BZW2: variants seen among roughly 807,000 people sequenced by gnomAD.
BZW2 encodes basic leucine zipper and W2 domains 2, also known as eIF5-mimic protein 1.
In BZW2, 23 loss-of-function variants were observed where a neutral mutation model predicts 53.2. That is an observed-to-expected ratio of 0.43 (90% CI 0.31 to 0.61). The LOEUF is 0.61. BZW2 is among the 20% of genes least tolerant of loss of function. The pLI is 0.09. For missense variants in BZW2, 409 were observed against 503.1 expected, an observed-to-expected ratio of 0.81 and a Z score of 1.79; for synonymous variants, 227 against 186.4, an observed-to-expected ratio of 1.22 and a Z score of -1.77.
chr7:16,686,816 A>T (rs953119643), intron 6 of BZW2: 4 of 152,208 alleles, frequency 2.6e-5, no homozygotes, highest in African/African-American at 4.8e-5. Context: ...CTAAGGAAAG[A>T]ATAGTAAATT....
At chr7:16,663,888 T>C (rs1782339943) in intron 1 of BZW2, among the ~76,000 whole-genome samples, 1 of 152,204 alleles carries the variant, frequency 6.6e-6, no homozygotes, top group Non-Finnish European at 1.5e-5. Flanking sequence ...TCAAAGATAA[T>C]ATATTGCAAT....
At chr7:16,702,310 C>T (rs1157794660) in intron 10 of BZW2, among the ~76,000 whole-genome samples, 1 of 152,090 alleles carries the variant, frequency 6.6e-6, no homozygotes, top group African/African-American at 2.4e-5. Flanking sequence ...ATATGGTGCT[C>T]TGTGTAGATA....
At chr7:16,660,211 T>C (rs542171194) in intron 1 of BZW2, among the ~76,000 whole-genome samples, 2 of 152,110 alleles carry the variant, frequency 1.3e-5, no homozygotes, top group South Asian at 4.1e-4. Flanking sequence ...CCAAAGTCTT[T>C]TTTCCACCTT....
chr7:16,704,913 A>G (rs1783786735), intron 11 of BZW2, among the ~76,000 whole-genome samples: 1 of 152,252 alleles, frequency 6.6e-6, no homozygotes, highest in African/African-American at 2.4e-5. Context: ...GGAGGACAAT[A>G]AGGAAGAAAT....
intron 1 of BZW2, among the ~76,000 whole-genome samples, chr7:16,658,880 A>G (rs1782183798): frequency 6.7e-6 from 1 of 149,036 alleles, no homozygotes; most frequent in Non-Finnish European, 1.5e-5. Flanking sequence ...GTCTCAGAAA[A>G]ATGTATATAT....
chr7:16,705,414 G>A (rs763152919), intron 11 of BZW2, among the ~76,000 whole-genome samples: 10 of 151,994 alleles, frequency 6.6e-5, no homozygotes, highest in Non-Finnish European at 1.2e-4. Flanking sequence ...GGCCAGGCAC[G>A]GTGGCTCACG....
chr7:16,703,865 C>G (rs17627139), intron 10 of BZW2, among the ~76,000 whole-genome samples: 2,348 of 152,060 alleles, frequency 0.015, 38 homozygotes, highest in South Asian at 0.056. Flanking sequence ...TTTTAGAAAC[C>G]TGTAGGAAAT....
chr7:16,660,823 T>C (rs561835618), intron 1 of BZW2, among the ~76,000 whole-genome samples: 2 of 152,220 alleles, frequency 1.3e-5, no homozygotes, highest in East Asian at 3.9e-4. Context: ...TTGGATACAA[T>C]GCGCTAGAAT....
chr7:16,679,877 C>T (rs1313416673), intron 3 of BZW2, among the ~76,000 whole-genome samples: 1 of 152,082 alleles, frequency 6.6e-6, no homozygotes, highest in East Asian at 1.9e-4. Flanking sequence ...AATAAAAATT[C>T]CTAATGTTCT....
At chr7:16,702,389 A>G (rs574380293) in intron 10 of BZW2, among the ~76,000 whole-genome samples, 34 of 152,264 alleles carry the variant, frequency 2.2e-4, no homozygotes, top group Middle Eastern at 3.4e-3. Context: ...AGTTGTTACT[A>G]CCCTGGGTTC....
intron 5 of BZW2, among the ~76,000 whole-genome samples, chr7:16,685,461 C>T (rs1339156281): frequency 6.7e-6 from 1 of 149,498 alleles, no homozygotes; most frequent in African/African-American, 2.5e-5. Context: ...TATGTTTTTG[C>T]CGTACAAATT....
Position 16,696,983 on chromosome 7 carries a change from G to A in BZW2, c.891G>A (p.Leu297=), listed in dbSNP as rs1231567562. ...CAGAAACAGCAGTGATTGGTCTTCT[G>A]TGGACATGTATAATGAACGCTGTTG... is the stretch of plus-strand genomic sequence containing the variant. ...DLPETAVIGL[L]WTCIMNAVEW... The change falls in exon 9 of 12, where the codon CTG becomes CTA. Residue 297 remains leucine (L), a synonymous_variant. Coordinates refer to ENST00000258761, the MANE Select transcript of BZW2 (RefSeq NM_014038.3). 6.2e-7 allele frequency: 1 copy of A among 1,614,142 alleles called. No homozygotes were observed. Among genetic ancestry groups the A allele is most frequent in the Non-Finnish European group, 8.5e-7 (1 of 1,180,002 alleles).
In BZW2 at chr7:16,682,021, G is replaced by A. The variant is rs554942955; in HGVS notation, c.339+617G>A. ...GCAATTTATTTCTTTTTCTTATTGT[G>A]TGTTAATTCCCTGCCTGAGTCATTC... is the stretch of plus-strand genomic sequence containing the variant. On this transcript the variant is annotated intron_variant, in intron 4 of 11. Transcript: ENST00000258761. 2.0e-5 allele frequency among the ~76,000 whole-genome samples: 3 copies of A among 152,160 alleles called. No homozygotes were observed. The East Asian group carries it at 5.8e-4, about 29-fold the overall frequency.
intron 3 of BZW2, among the ~76,000 whole-genome samples, chr7:16,680,389 A>G (rs1782905712): frequency 6.6e-6 from 1 of 152,242 alleles, no homozygotes; most frequent in Non-Finnish European, 1.5e-5. Flanking sequence ...TTAAGAATAT[A>G]CTTTGGAAAG....
intron 2 of BZW2, among the ~76,000 whole-genome samples, chr7:16,671,620 G>C (rs898018990): frequency 5.3e-5 from 8 of 151,918 alleles, no homozygotes; most frequent in African/African-American, 1.9e-4. Flanking sequence ...TGTTCGTATT[G>C]CTCTTACCCT....
intron 7 of BZW2, among the ~76,000 whole-genome samples, chr7:16,690,204 T>G (rs1783256909): frequency 6.7e-6 from 1 of 149,334 alleles, no homozygotes; most frequent in African/African-American, 2.6e-5. Flanking sequence ...CATAACTTTT[T>G]TACTTTTTTT....
At chr7:16,656,261 G>A (rs961812514) in intron 1 of BZW2, among the ~76,000 whole-genome samples, 2 of 151,852 alleles carry the variant, frequency 1.3e-5, no homozygotes, top group African/African-American at 2.4e-5. Context: ...TTGGAAAGAC[G>A]TTATCATTGA....
At chr7:16,684,744 C>A (rs1783060799) in intron 5 of BZW2, among the ~76,000 whole-genome samples, 1 of 152,160 alleles carries the variant, frequency 6.6e-6, no homozygotes, top group African/African-American at 2.4e-5. Context: ...CTCCCTGGCA[C>A]TTACTTAGAT....
intron 2 of BZW2, among the ~76,000 whole-genome samples, chr7:16,672,140 A>T (rs867859633): frequency 1.3e-5 from 2 of 152,140 alleles, no homozygotes; most frequent in African/African-American, 4.8e-5. Context: ...CACAGTAATC[A>T]ATGTACTTTG....
Sources: allele counts gnomAD v4.1 joint callset (sites outside exome capture counted in the v4.1 genomes callset), GRCh38; gene constraint gnomAD v4.1.1; transcripts MANE v1.5; gene names NCBI Gene and HGNC (gene_info 2026-07-23, HGNC 2026-07-21).